Variants in PALLD observed in about 807,000 individuals in gnomAD.
PALLD encodes the protein palladin, cytoskeletal associated protein.
A neutral mutation model predicts 123.5 loss-of-function variants in PALLD; 61 were observed. That is an observed-to-expected ratio of 0.49 (90% CI 0.40 to 0.61). The LOEUF (loss-of-function observed/expected upper bound fraction) is 0.61, where lower values mean the gene tolerates loss of function less well. PALLD is among the 20% of genes least tolerant of loss of function. The pLI is 0.00. For missense variants in PALLD, 1,273 were observed against 1,377.0 expected (o/e 0.92, Z 1.20); for synonymous variants, 465 against 496.4 (o/e 0.94, Z 0.84).
chr4:168,670,593 C>T (rs1193615365), intron 3 of PALLD, among the ~76,000 whole-genome samples: 16 of 150,390 alleles, frequency 1.1e-4, no homozygotes, highest in African/African-American at 3.9e-4. Flanking sequence ...ATTAGCCGGG[C>T]GCGGTGGCGG....
chr4:168,623,494 C>T lies in PALLD; in HGVS notation c.909-44696C>T, dbSNP rs150491889. 1.8e-3 allele frequency among the ~76,000 whole-genome samples: 281 copies of T among 152,308 alleles called. 1 individual carries two copies. The highest frequency in any genetic ancestry group is 5.3e-3 in the Admixed American group (81 of 15,290). On this transcript the variant is annotated intron_variant, in intron 2 of 21. Coordinates refer to ENST00000505667, the MANE Select transcript of PALLD (RefSeq NM_001166108.2). ...TATTCCCCTGAAGATGCAGGACTTGCTCTGAAGAGCAATGGTAGAAAGCTA... is the reference window on the plus strand; with the variant it reads ...TATTCCCCTGAAGATGCAGGACTTGTTCTGAAGAGCAATGGTAGAAAGCTA...
chr4:168,899,783 G>T lies in PALLD; in HGVS notation c.2472+1069G>T, dbSNP rs182617260. 3.6e-3 allele frequency among the ~76,000 whole-genome samples: 541 copies of T among 152,152 alleles called. 4 individuals are homozygous for T. Among genetic ancestry groups the T allele is most frequent in the African/African-American group, 0.012 (505 of 41,512 alleles). On this transcript the variant is annotated intron_variant, in intron 14 of 21. Transcript: ENST00000505667. ...AATACAAAAATTAGCTGGGCATGGT[G>T]GTGGGCGCCTGTAATCTCAGCTACT...
At chr4:168,814,203 G>C (rs533076115) in intron 10 of PALLD, among the ~76,000 whole-genome samples, 2 of 152,108 alleles carry the variant, frequency 1.3e-5, no homozygotes, top group African/African-American at 2.4e-5. Context: ...GGCTGAATTT[G>C]GAAATTATCA....
chr4:168,696,382 G>A (rs1581016544), intron 8 of PALLD, among the ~76,000 whole-genome samples: 2 of 151,968 alleles, frequency 1.3e-5, no homozygotes, highest in Non-Finnish European at 2.9e-5. Flanking sequence ...ATAATGATTT[G>A]GGAGTTTCTC....
intron 10 of PALLD, among the ~76,000 whole-genome samples, chr4:168,730,335 T>C (rs1157145898): frequency 6.6e-6 from 1 of 152,180 alleles, no homozygotes; most frequent in East Asian, 1.9e-4. Flanking sequence ...TTTCATGGCA[T>C]TCTGTTCTGT....
In PALLD at chr4:168,524,499, T is replaced by C. The variant is rs186859957; in HGVS notation, c.908+12087T>C. Among the ~76,000 whole-genome samples, 144 of 152,312 alleles carry C rather than the reference T, an allele frequency of 9.5e-4. 1 individual carries two copies. Among genetic ancestry groups the C allele is most frequent in the Non-Finnish European group, 1.5e-3 (103 of 68,020 alleles). On this transcript the variant is annotated intron_variant, in intron 2 of 21. Coordinates refer to ENST00000505667, the MANE Select transcript of PALLD (RefSeq NM_001166108.2). ...GGTACATAGTAGGCATATGTATATA[T>C]GGGGCACATGAGATTTTTTTGATAC...
intron 3 of PALLD, among the ~76,000 whole-genome samples, chr4:168,673,090 C>G (rs544397742): frequency 6.6e-6 from 1 of 152,148 alleles, no homozygotes; most frequent in East Asian, 1.9e-4. Context: ...GAGCACTTTT[C>G]GGTCATTCTC....
At chr4:168,779,059 A>T (rs982302440) in intron 10 of PALLD, among the ~76,000 whole-genome samples, 1 of 152,242 alleles carries the variant, frequency 6.6e-6, no homozygotes, top group Non-Finnish European at 1.5e-5. Flanking sequence ...ATGATTCTGC[A>T]TGAAAAATGG....
At chr4:168,717,335 CTTTTTTTG>C (rs916162138) in intron 10 of PALLD, among the ~76,000 whole-genome samples, 9 of 151,714 alleles carry the variant, frequency 5.9e-5, no homozygotes, top group African/African-American at 2.2e-4. Flanking sequence ...GCCTAACGTT[CTTTTTTTG>C]TTTTTTTGTT....
chr4:168,840,233 C>T (rs1257687101), intron 10 of PALLD, among the ~76,000 whole-genome samples: 1 of 152,134 alleles, frequency 6.6e-6, no homozygotes, highest in African/African-American at 2.4e-5. Flanking sequence ...ATACTGTCCA[C>T]ACCAGCAACT....
chr4:168,590,338 G>A lies in PALLD; in HGVS notation c.909-77852G>A, dbSNP rs142676828. 1.9e-3 allele frequency among the ~76,000 whole-genome samples: 295 copies of A among 152,212 alleles called. 1 individual carries two copies. The highest frequency in any genetic ancestry group is 6.6e-3 in the African/African-American group (273 of 41,548). Reference sequence around the variant, plus strand: ...GCCTGGGCAACAAGAGCAAAACTCCGTCTCAAAAAACAGTCTTAACAACTA... The same window carrying A: ...GCCTGGGCAACAAGAGCAAAACTCCATCTCAAAAAACAGTCTTAACAACTA... On this transcript the variant is annotated intron_variant, in intron 2 of 21. Coordinates refer to ENST00000505667, the MANE Select transcript of PALLD (RefSeq NM_001166108.2).
intron 2 of PALLD, among the ~76,000 whole-genome samples, chr4:168,568,251 A>C (rs1768609183): frequency 6.6e-6 from 1 of 152,128 alleles, no homozygotes; most frequent in Non-Finnish European, 1.5e-5. Flanking sequence ...AATTTCCATC[A>C]TAATTGATCA....
chr4:168,526,770 A>C (rs1323478344), intron 2 of PALLD, among the ~76,000 whole-genome samples: 2 of 152,168 alleles, frequency 1.3e-5, no homozygotes, highest in Non-Finnish European at 2.9e-5. Flanking sequence ...AGCCAAATAG[A>C]GTAAGTGGAT....
chr4:168,614,502 C>A (rs2149778157), intron 2 of PALLD, among the ~76,000 whole-genome samples: 1 of 152,000 alleles, frequency 6.6e-6, no homozygotes, highest in Admixed American at 6.5e-5. Context: ...TTTGAAAAAC[C>A]ATAAAGCAGC....
At chr4:168,692,160 A>T (rs150490303) in intron 8 of PALLD, among the ~76,000 whole-genome samples, 45 of 151,736 alleles carry the variant, frequency 3.0e-4, no homozygotes, top group Middle Eastern at 3.4e-3. Flanking sequence ...CCTTGCTCTG[A>T]CTCTTCTTGG....
rs142098605 is a variant in PALLD at position 168,778,690 on chromosome 4, G to A, written c.1964+66767G>A. 3.0e-4 allele frequency among the ~76,000 whole-genome samples: 46 copies of A among 152,294 alleles called. 1 individual carries two copies. Among genetic ancestry groups the A allele is most frequent in the African/African-American group, 6.0e-4 (25 of 41,558 alleles). On this transcript the variant is annotated intron_variant, in intron 10 of 21. Coordinates refer to ENST00000505667, the MANE Select transcript of PALLD (RefSeq NM_001166108.2). ...TTAAGCTCATTTATGCCTTACTTGCGTAAGGAAACTGTCATTACTATCTAT... is the reference window on the plus strand; with the variant it reads ...TTAAGCTCATTTATGCCTTACTTGCATAAGGAAACTGTCATTACTATCTAT...
At chr4:168,691,637 A>T (rs1230826164) in intron 8 of PALLD, among the ~76,000 whole-genome samples, 1 of 152,190 alleles carries the variant, frequency 6.6e-6, no homozygotes, top group African/African-American at 2.4e-5. Flanking sequence ...AGAGAAGGAC[A>T]ATCTACTGCC....
chr4:168,833,125 G>A (rs1744559772), intron 10 of PALLD, among the ~76,000 whole-genome samples: 1 of 152,156 alleles, frequency 6.6e-6, no homozygotes, highest in South Asian at 2.1e-4. Context: ...AACTTTTGGG[G>A]GCAGCTCTGT....
intron 10 of PALLD, chr4:168,877,884 C>T: frequency 1.4e-6 from 2 of 1,447,924 alleles, no homozygotes; most frequent in Middle Eastern, 2.0e-4. Flanking sequence ...CCCGCGTCCC[C>T]GGAGCCCATG....
Sources: allele counts gnomAD v4.1 joint callset (sites outside exome capture counted in the v4.1 genomes callset), GRCh38; gene constraint gnomAD v4.1.1; transcripts MANE v1.5; gene names NCBI Gene and HGNC (gene_info 2026-07-23, HGNC 2026-07-21).